ARPP21: variants seen among roughly 807,000 people sequenced by gnomAD.
ARPP21 encodes cAMP regulated phosphoprotein 21, also known as cAMP-regulated phosphoprotein 21.
Under a neutral mutation model 113.2 loss-of-function variants are expected in ARPP21, and 69 were observed. The ratio of observed to expected loss-of-function variants is 0.61; its 90% CI spans 0.50 to 0.74. The LOEUF is 0.74. Among genes scored for constraint, ARPP21 ranks in the 30% least tolerant of loss-of-function variants. The probability of loss-of-function intolerance (pLI) is 0.00; values close to 1 mark genes in which losing one functional copy is unlikely to be tolerated. For synonymous variants in ARPP21, 368 were observed against 375.5 expected (o/e 0.98, Z 0.23); for missense variants, 1,070 against 1,037.4 (o/e 1.03, Z -0.43).
At chr3:35,714,535 A>G (rs2092044157) in intron 11 of ARPP21, among the ~76,000 whole-genome samples, 1 of 152,158 alleles carries the variant, frequency 6.6e-6, no homozygotes, top group African/African-American at 2.4e-5. Context: ...ATATAGCAGG[A>G]TGTGTATTTA....
intron 9 of ARPP21, among the ~76,000 whole-genome samples, chr3:35,697,828 T>A (rs548632555): frequency 6.6e-6 from 1 of 151,776 alleles, no homozygotes; most frequent in Admixed American, 6.6e-5. Flanking sequence ...TGCTTTTCCT[T>A]CCGTGTTTAT....
At position 35,794,001 on chromosome 3, in the gene ARPP21, CT is replaced by C; in HGVS notation, c.*46del. 6.4e-7 allele frequency: 1 copy of C among 1,562,974 alleles called. No homozygotes were observed. Among genetic ancestry groups the C allele is most frequent in the Non-Finnish European group, 8.7e-7 (1 of 1,148,646 alleles). ...CATTTCTTCAGATATTTCTCATGGC[CT>C]TTGATGGAAGAGGAACAAGGTGGGA... On this transcript the variant is annotated 3_prime_UTR_variant, in exon 21 of 21. Coordinates refer to ENST00000684406, the MANE Select transcript of ARPP21 (RefSeq NM_001385562.1).
chr3:35,752,387 T>C (rs2095432794), intron 19 of ARPP21, among the ~76,000 whole-genome samples: 1 of 152,042 alleles, frequency 6.6e-6, no homozygotes, highest in Non-Finnish European at 1.5e-5. Flanking sequence ...GGGGTCAGCC[T>C]GTCAGAAATA....
intron 19 of ARPP21, among the ~76,000 whole-genome samples, chr3:35,768,079 CGTGTGTGTGTGT>C (rs5847897): frequency 0.063 from 7,078 of 111,730 alleles, 199 homozygotes; most frequent in African/African-American, 0.068. Context: ...CATGCTTTTC[CGTGTGTGTGTGT>C]GTGTGTGTGT....
intron 11 of ARPP21, among the ~76,000 whole-genome samples, chr3:35,711,379 C>T (rs1296705512): frequency 6.6e-6 from 1 of 152,122 alleles, no homozygotes; most frequent in African/African-American, 2.4e-5. Context: ...TTTCCATAAC[C>T]GTTAAAAGGC....
chr3:35,781,824 T>G (rs1287331760), intron 19 of ARPP21, among the ~76,000 whole-genome samples: 2 of 152,130 alleles, frequency 1.3e-5, no homozygotes, highest in African/African-American at 4.8e-5. Flanking sequence ...CTAACTATAA[T>G]GAAAACTTTA....
In ARPP21 at chr3:35,687,851, CT is replaced by C. The variant is rs2081072909; in HGVS notation, c.375del (p.Glu126LysfsTer22). 6.3e-7 allele frequency: 1 copy of C among 1,588,670 alleles called. No homozygotes were observed. The highest frequency in any genetic ancestry group is 1.4e-5 in the African/African-American group (1 of 72,648). ...KEKDKNKDKT[S>X]EKPKIRMLSK... ...AAGGATAAAAACAAAGATAAAACCT[CT>C]GAAAAACCCAAGATCAGAATGTTAT... On this transcript the variant is annotated frameshift_variant, in exon 6 of 21. Transcript: ENST00000684406. LOFTEE classifies it high-confidence loss of function.
At chr3:35,670,639 C>G (rs905712680) in intron 1 of ARPP21, among the ~76,000 whole-genome samples, 4 of 151,988 alleles carry the variant, frequency 2.6e-5, no homozygotes, top group African/African-American at 4.8e-5. Context: ...GGACCCAGAG[C>G]CTGAGTGCTG....
intron 19 of ARPP21, among the ~76,000 whole-genome samples, chr3:35,753,845 CA>C (rs1305142049): frequency 6.6e-6 from 1 of 151,372 alleles, no homozygotes; most frequent in Non-Finnish European, 1.5e-5. Flanking sequence ...TGGGATGGGG[CA>C]AAATGTACCT....
At chr3:35,681,467 A>T (rs938870303) in intron 2 of ARPP21, 4 of 294,810 alleles carry the variant, frequency 1.4e-5, no homozygotes, top group Non-Finnish European at 1.9e-5. Context: ...TGTCTCTAAG[A>T]TTTGTCGACC....
intron 19 of ARPP21, among the ~76,000 whole-genome samples, chr3:35,776,687 G>A (rs896285447): frequency 1.1e-4 from 16 of 152,152 alleles, no homozygotes; most frequent in Admixed American, 3.9e-4. Context: ...TTCCTTATAT[G>A]AGGACAAGAA....
At chr3:35,662,783 GC>G (rs1374281064) in intron 1 of ARPP21, among the ~76,000 whole-genome samples, 1 of 152,160 alleles carries the variant, frequency 6.6e-6, no homozygotes, top group Admixed American at 6.5e-5. Context: ...GGAGAATTGT[GC>G]CCACCAAGTG....
chr3:35,743,692 G>A, intron 18 of ARPP21, 147 bp from the exon 19 acceptor site: 1 of 736,670 alleles, frequency 1.4e-6, no homozygotes, highest in South Asian at 1.8e-5. Context: ...GGGAGAAGTA[G>A]CATGCACATA....
intron 1 of ARPP21, among the ~76,000 whole-genome samples, chr3:35,656,200 T>C (rs1235717147): frequency 6.6e-6 from 1 of 152,046 alleles, no homozygotes; most frequent in African/African-American, 2.4e-5. Context: ...CAAATTTCTC[T>C]CTAAGATTGT....
chr3:35,699,395 T>A (rs1345963744), intron 9 of ARPP21, among the ~76,000 whole-genome samples: 1 of 151,644 alleles, frequency 6.6e-6, no homozygotes, highest in Non-Finnish European at 1.5e-5. Context: ...TTGGGAAGTT[T>A]TAGAGAATAC....
intron 19 of ARPP21, among the ~76,000 whole-genome samples, chr3:35,783,347 C>CT (rs1294641162): frequency 6.6e-6 from 1 of 152,130 alleles, no homozygotes; most frequent in African/African-American, 2.4e-5. Flanking sequence ...TATACTTGTT[C>CT]TTTCTGTATT....
chr3:35,656,671 G>A (rs1361655501), intron 1 of ARPP21, among the ~76,000 whole-genome samples: 2 of 151,960 alleles, frequency 1.3e-5, no homozygotes, highest in Non-Finnish European at 2.9e-5. Flanking sequence ...AGGGAGGGGT[G>A]TCACTGTAAA....
rs146565322 is a variant in ARPP21 at position 35,764,813 on chromosome 3, A to G, written c.2137+20848A>G. Among the ~76,000 whole-genome samples the G allele has an allele frequency of 4.9e-4, 75 of 152,292 alleles. No homozygotes were observed. In the East Asian group the frequency reaches 0.011, roughly 22 times the overall value. On this transcript the variant is annotated intron_variant, in intron 19 of 20. Coordinates refer to ENST00000684406, the MANE Select transcript of ARPP21 (RefSeq NM_001385562.1). ...GACACCACTTTTACTAAAAAATTATAGTTCTGCCATTTGTATATCATAGAA... is the reference window on the plus strand; with the variant it reads ...GACACCACTTTTACTAAAAAATTATGGTTCTGCCATTTGTATATCATAGAA...
intron 1 of ARPP21, among the ~76,000 whole-genome samples, chr3:35,667,978 G>T (rs1321783190): frequency 7.1e-6 from 1 of 139,978 alleles, no homozygotes; most frequent in Middle Eastern, 3.5e-3. Context: ...AGAAGAAGAA[G>T]AAGAAGAAGA....
Sources: gnomAD v4.1 joint callset for allele counts (sites outside exome capture counted in the v4.1 genomes callset) on GRCh38, gnomAD v4.1.1 for gene constraint, MANE v1.5 for transcripts, NCBI Gene and HGNC (gene_info 2026-07-23, HGNC 2026-07-21) for gene names.